Variants in PAG1 observed in about 807,000 individuals in gnomAD.
The protein encoded by PAG1 is phosphoprotein associated with glycosphingolipid-enriched microdomains 1.
PAG1 carries 23 observed loss-of-function variants against 31.7 expected under a neutral mutation model. That is an observed-to-expected ratio of 0.73 (90% CI 0.52 to 1.03). The LOEUF (loss-of-function observed/expected upper bound fraction) is 1.03, where lower values mean the gene tolerates loss of function less well. PAG1 is among the 50% of genes least tolerant of loss of function. PAG1 has a pLI of 0.00. For synonymous variants in PAG1, 214 were observed against 210.3 expected (o/e 1.02, Z -0.15); for missense variants, 473 against 540.7 (o/e 0.87, Z 1.24).
chr8:81,016,277 A>T (rs1446322728), intron 3 of PAG1, among the ~76,000 whole-genome samples: 2 of 152,218 alleles, frequency 1.3e-5, no homozygotes, highest in Non-Finnish European at 2.9e-5. Flanking sequence ...AGGAGGTATT[A>T]TTGTCCTCAT....
intron 3 of PAG1, among the ~76,000 whole-genome samples, chr8:81,003,796 C>T (rs1215056595): frequency 6.6e-6 from 1 of 152,140 alleles, no homozygotes; most frequent in Non-Finnish European, 1.5e-5. Flanking sequence ...GAATGTTGCT[C>T]CAGCAAGAAT....
chr8:81,058,741 A>G (rs1808868548), intron 2 of PAG1: 1 of 151,698 alleles, frequency 6.6e-6, no homozygotes, highest in African/African-American at 2.4e-5. Flanking sequence ...TACGAAAGAT[A>G]AAAAAGTAGC....
Position 80,985,391 on chromosome 8 carries a change from C to T in PAG1, c.275-14G>A, listed in dbSNP as rs1448531480. 6.3e-7 allele frequency: 1 copy of T among 1,595,498 alleles called. No individual in the cohort carries two copies. Among genetic ancestry groups the T allele is most frequent in the Non-Finnish European group, 8.6e-7 (1 of 1,168,232 alleles). ...CCTCTGAAAGAACTAAAGCAGCACA[C>T]ACATTAAAAGCGGAGAAAGGCAAGT... On this transcript the variant is annotated splice_polypyrimidine_tract_variant and intron_variant, in intron 6 of 8. Coordinates refer to ENST00000220597, the MANE Select transcript of PAG1 (RefSeq NM_018440.4).
intron 3 of PAG1, among the ~76,000 whole-genome samples, chr8:81,027,248 C>T (rs547387137): frequency 6.6e-6 from 1 of 152,280 alleles, no homozygotes; most frequent in South Asian, 2.1e-4. Flanking sequence ...GCAATCTGCC[C>T]ACCTCGGCCT....
intron 1 of PAG1, among the ~76,000 whole-genome samples, chr8:81,107,129 C>T (rs1809705419): frequency 6.6e-6 from 1 of 152,094 alleles, no homozygotes; most frequent in East Asian, 1.9e-4. Context: ...TGCTCTACTA[C>T]CAGTTGAAGG....
At chr8:80,993,638 T>G (rs1297046585) in intron 3 of PAG1, among the ~76,000 whole-genome samples, 1 of 151,346 alleles carries the variant, frequency 6.6e-6, no homozygotes, top group Non-Finnish European at 1.5e-5. Context: ...GGTCTTGCTC[T>G]GTTGCCCAGA....
At chr8:81,101,489 T>C (rs1459598893) in intron 1 of PAG1, among the ~76,000 whole-genome samples, 1 of 152,214 alleles carries the variant, frequency 6.6e-6, no homozygotes, top group African/African-American at 2.4e-5. Flanking sequence ...GACACCATTC[T>C]AGTTTTCAGC....
At position 80,976,560 on chromosome 8, in the gene PAG1, T is replaced by C. The variant is rs1260309483; in HGVS notation, c.1283A>G (p.Asp428Gly). The change falls in exon 9 of 9, where the codon GAT (aspartate) becomes GGT (glycine). Residue 428 changes from aspartate (D) to glycine (G), a missense_variant. Physicochemically the swap from Asp to Gly is moderately conservative, Grantham distance 94. Coordinates refer to ENST00000220597, the MANE Select transcript of PAG1 (RefSeq NM_018440.4). ...ESISDLQQGRDITRL is the reference protein window; with the variant it reads ...ESISDLQQGRGITRL ...TCTGGGTTGCTAGAGCCTGGTAATA[T>C]CTCTGCCTTGCTGCAAGTCACTTAT... 50 of 1,612,474 alleles carry C rather than the reference T, an allele frequency of 3.1e-5. No individual in the cohort carries two copies. Among genetic ancestry groups the C allele is most frequent in the Non-Finnish European group, 4.2e-5 (50 of 1,179,538 alleles).
chr8:81,071,030 T>C (rs914069708), intron 1 of PAG1, among the ~76,000 whole-genome samples: 1 of 132,318 alleles, frequency 7.6e-6, no homozygotes, highest in Non-Finnish European at 1.5e-5. Flanking sequence ...TCTTTTTTGG[T>C]AAAGTTTAAA....
chr8:81,043,553 T>C (rs1003074341), intron 2 of PAG1, among the ~76,000 whole-genome samples: 15 of 152,240 alleles, frequency 9.9e-5, no homozygotes, highest in East Asian at 1.9e-4. Flanking sequence ...TGAGTAACTA[T>C]AGAACATTCA....
chr8:81,020,479 G>T (rs550916451), intron 3 of PAG1, among the ~76,000 whole-genome samples: 1 of 152,118 alleles, frequency 6.6e-6, no homozygotes, highest in African/African-American at 2.4e-5. Context: ...AATGGGTCTC[G>T]TGAGATCTGA....
intron 1 of PAG1, among the ~76,000 whole-genome samples, chr8:81,109,345 AG>A (rs1251578255): frequency 6.6e-6 from 1 of 152,248 alleles, no homozygotes; most frequent in Non-Finnish European, 1.5e-5. Context: ...AGGGTCAAAA[AG>A]AACACAGTTT....
intron 2 of PAG1, among the ~76,000 whole-genome samples, chr8:81,052,084 C>T (rs1464193071): frequency 1.3e-5 from 2 of 148,436 alleles, no homozygotes; most frequent in African/African-American, 5.0e-5. Context: ...GAGCCGATAT[C>T]ATGCCACTGC....
intron 1 of PAG1, among the ~76,000 whole-genome samples, chr8:81,086,137 A>G (rs1809352249): frequency 1.3e-5 from 2 of 149,990 alleles, no homozygotes; most frequent in South Asian, 4.2e-4. Context: ...GCCCGCTACC[A>G]CGCCCGGCTA....
intron 3 of PAG1, among the ~76,000 whole-genome samples, chr8:81,026,174 C>T (rs1048125197): frequency 2.0e-5 from 3 of 151,936 alleles, no homozygotes; most frequent in African/African-American, 7.3e-5. Context: ...GTGCTTGCCT[C>T]GCTGTAGGTA....
chr8:81,003,389 G>A lies in PAG1; in HGVS notation c.-80-10082C>T, dbSNP rs781275927. 5.3e-5 allele frequency among the ~76,000 whole-genome samples: 8 copies of A among 152,148 alleles called. No individual in the cohort carries two copies. In the South Asian group the frequency reaches 6.2e-4, roughly 12 times the overall value. On this transcript the variant is annotated intron_variant, in intron 3 of 8. Coordinates refer to ENST00000220597, the MANE Select transcript of PAG1 (RefSeq NM_018440.4). Reference sequence around the variant, plus strand: ...TACAGATGCTGAAGGTTATACAGCCGGATCCCTGGAGCTGGAACCTAGCCT... The same window carrying A: ...TACAGATGCTGAAGGTTATACAGCCAGATCCCTGGAGCTGGAACCTAGCCT...
At chr8:81,099,322 G>A (rs1686331891) in intron 1 of PAG1, among the ~76,000 whole-genome samples, 1 of 152,168 alleles carries the variant, frequency 6.6e-6, no homozygotes, top group Non-Finnish European at 1.5e-5. Context: ...GCTTTTCAAT[G>A]CTTTCTATAA....
rs1485942502 is a variant in PAG1 at position 80,970,780 on chromosome 8, A to C, written c.*5764T>G. 6.5e-6 allele frequency: 1 copy of C among 153,016 alleles called. No individual in the cohort carries two copies. The highest frequency in any genetic ancestry group is 1.5e-5 in the Non-Finnish European group (1 of 68,160). The allele number at this position is 153,016 out of a possible 1,614,324, so 9.5% of individuals were successfully genotyped here. On this transcript the variant is annotated 3_prime_UTR_variant, in exon 9 of 9. Coordinates refer to ENST00000220597, the MANE Select transcript of PAG1 (RefSeq NM_018440.4). ...CACCAGCATCTGCCGCCCTAGGTGG[A>C]CCTGTGGCCTCATCTTGGCAGCCTG...
intron 6 of PAG1, 52 bp from the exon 7 acceptor site, chr8:80,985,429 A>G: frequency 2.6e-6 from 4 of 1,530,902 alleles, no homozygotes; most frequent in Non-Finnish European, 3.5e-6. Flanking sequence ...TTCAATAATT[A>G]TTACCGAGAA....
Sources: allele counts gnomAD v4.1 joint callset (sites outside exome capture counted in the v4.1 genomes callset), GRCh38; gene constraint gnomAD v4.1.1; transcripts MANE v1.5; gene names NCBI Gene and HGNC (gene_info 2026-07-23, HGNC 2026-07-21).